Variants in CYP27A1 observed in about 807,000 individuals in gnomAD.
The protein encoded by CYP27A1 is sterol 26-hydroxylase, mitochondrial.
A neutral mutation model predicts 58.2 loss-of-function variants in CYP27A1; 46 were observed. The observed-to-expected ratio is 0.79, with a 90% CI of 0.62 to 1.01. The LOEUF (loss-of-function observed/expected upper bound fraction) is 1.01. Among genes scored for constraint, CYP27A1 ranks in the 50% least tolerant of loss-of-function variants. The pLI is 0.00. For missense variants in CYP27A1, 704 were observed against 687.0 expected, an observed-to-expected ratio of 1.02 and a Z score of -0.28; for synonymous variants, 274 against 285.1, an observed-to-expected ratio of 0.96 and a Z score of 0.39.
At chr2:218,812,802 C>A (rs371379653) in intron 4 of CYP27A1, 53 bp downstream of exon 4, 6 of 1,607,574 alleles carry the variant, frequency 3.7e-6, no homozygotes, top group East Asian at 4.5e-5. Context: ...GACTCCAGGT[C>A]TGTGCATCAG....
At chr2:218,803,560 A>G (rs1943620758) in intron 1 of CYP27A1, among the ~76,000 whole-genome samples, 2 of 151,894 alleles carry the variant, frequency 1.3e-5, no homozygotes, top group South Asian at 4.2e-4. Context: ...GGTAGCTGGG[A>G]CTACAGGCAC....
rs759816877 is a variant in CYP27A1 at position 218,809,704 on chromosome 2, A to G, written c.383A>G (p.Asn128Ser). ...MRQEGKYPVR[N>S]DMELWKEHRD... ...CAAGAGGGCAAGTACCCAGTACGGA[A>G]CGACATGGAGCTATGGAAGGAGCAC... Residue 128 changes from asparagine to serine, a missense_variant, in exon 2 of 9, where the codon AAC becomes AGC. Coordinates refer to ENST00000258415, the MANE Select transcript of CYP27A1 (RefSeq NM_000784.4). 1 of 1,614,048 alleles carries G rather than the reference A, an allele frequency of 6.2e-7. No individual in the cohort carries two copies. Among genetic ancestry groups the G allele is most frequent in the Non-Finnish European group, 8.5e-7 (1 of 1,180,024 alleles).
At chr2:218,791,593 G>C (rs1305735646) in intron 1 of CYP27A1, among the ~76,000 whole-genome samples, 1 of 152,154 alleles carries the variant, frequency 6.6e-6, no homozygotes, top group African/African-American at 2.4e-5. Context: ...AAACTTCCCT[G>C]GTTAGCTTTA....
chr2:218,810,427 C>T (rs1943700688), intron 2 of CYP27A1, among the ~76,000 whole-genome samples: 2 of 152,148 alleles, frequency 1.3e-5, no homozygotes, highest in Admixed American at 1.3e-4. Flanking sequence ...CCTTTGTAAT[C>T]TATTTACATT....
intron 1 of CYP27A1, among the ~76,000 whole-genome samples, chr2:218,785,040 A>C (rs1179660266): frequency 6.6e-6 from 1 of 152,238 alleles, no homozygotes; most frequent in South Asian, 2.1e-4. Flanking sequence ...ATTGTAATAT[A>C]TAATGAAATA....
chr2:218,812,574 GAA>G lies in CYP27A1; in HGVS notation c.671_672del (p.Lys224ThrfsTer63), dbSNP rs766291834. 6.2e-7 allele frequency: 1 copy of G among 1,614,210 alleles called. No homozygotes were observed. Among genetic ancestry groups the G allele is most frequent in the Non-Finnish European group, 8.5e-7 (1 of 1,180,046 alleles). ...CAGCTATTTGCTACATCCTGTTCGA[GAA>G]ACGCATTGGCTGCCTGCAGCGATCC... ...LEAICYILFE[K>X]RIGCLQRSIP... On this transcript the variant is annotated frameshift_variant, in exon 4 of 9. Transcript: ENST00000258415. LOFTEE classifies it high-confidence loss of function.
chr2:218,784,660 C>A (rs573846428), intron 1 of CYP27A1, among the ~76,000 whole-genome samples: 1 of 152,286 alleles, frequency 6.6e-6, no homozygotes, highest in Admixed American at 6.5e-5. Context: ...AATGTTATAA[C>A]CCTATGAAAC....
intron 1 of CYP27A1, among the ~76,000 whole-genome samples, chr2:218,784,271 G>A (rs1943422221): frequency 6.6e-6 from 1 of 152,156 alleles, no homozygotes; most frequent in African/African-American, 2.4e-5. Flanking sequence ...CAAAACCTAA[G>A]CTGTTGGAAC....
chr2:218,805,009 A>G (rs148945442), intron 1 of CYP27A1, among the ~76,000 whole-genome samples: 60 of 152,252 alleles, frequency 3.9e-4, no homozygotes, highest in African/African-American at 1.3e-3. Context: ...TTATGAAGAC[A>G]CTAATTCTAT....
intron 1 of CYP27A1, among the ~76,000 whole-genome samples, chr2:218,787,007 T>C (rs913936823): frequency 3.9e-5 from 6 of 152,146 alleles, no homozygotes; most frequent in Admixed American, 3.9e-4. Context: ...CCCAGGCTGG[T>C]CTTGAACTCC....
chr2:218,787,404 A>G (rs1049796262), intron 1 of CYP27A1, among the ~76,000 whole-genome samples: 8 of 152,238 alleles, frequency 5.3e-5, no homozygotes, highest in African/African-American at 1.9e-4. Flanking sequence ...GGTTTCAGAA[A>G]CTAAATGTTG....
At chr2:218,794,594 A>G (rs1575199966) in intron 1 of CYP27A1, among the ~76,000 whole-genome samples, 1 of 151,814 alleles carries the variant, frequency 6.6e-6, no homozygotes, top group East Asian at 1.9e-4. Context: ...AAAAAACTTT[A>G]CCCTTTTGCC....
rs543550445 is a variant in CYP27A1, at chr2:218,789,167, A to G, written c.255+6730A>G. 5.2e-5 allele frequency among the ~76,000 whole-genome samples: 8 copies of G among 152,382 alleles called. No homozygotes were observed. In the East Asian group the frequency reaches 1.5e-3, roughly 29 times the overall value. ...GGCAGCCTTATTTGTAGTCAGGAAA[A>G]TTAGAATGATTTAAATGTCCCATAG... On this transcript the variant is annotated intron_variant, in intron 1 of 8. Coordinates refer to ENST00000258415, the MANE Select transcript of CYP27A1 (RefSeq NM_000784.4).
In CYP27A1 at chr2:218,812,401, T is replaced by C; in HGVS notation, c.626T>C (p.Phe209Ser). The change falls in exon 3 of 9, where the codon TTC (phenylalanine) becomes TCC (serine). Residue 209 changes from phenylalanine (F) to serine (S), a missense_variant. Phe to Ser is a radical substitution (Grantham distance 155). Coordinates refer to ENST00000258415, the MANE Select transcript of CYP27A1 (RefSeq NM_000784.4). Reference protein sequence around the residue: ...GNQVSDMAQLFYYFALEAICY... With the variant: ...GNQVSDMAQLSYYFALEAICY... ...CAGGTGTCGGACATGGCTCAACTCT[T>C]CTACTACTTTGCCTTGGAAGGTACC... 1 of 1,614,192 alleles carries C rather than the reference T, an allele frequency of 6.2e-7. No homozygotes were observed. Among genetic ancestry groups the C allele is most frequent in the Non-Finnish European group, 8.5e-7 (1 of 1,180,036 alleles).
chr2:218,782,517 A>G lies in CYP27A1; in HGVS notation c.255+80A>G. The G allele has an allele frequency of 6.3e-7, 1 of 1,577,158 alleles. No homozygotes were observed. Among genetic ancestry groups the G allele is most frequent in the Non-Finnish European group, 8.7e-7 (1 of 1,150,770 alleles). ...GGCTAGAGGTGAGAAGACGTTGGAC[A>G]GAAAGTGAAGGCTGCAGGAACTCAG... is the stretch of plus-strand genomic sequence containing the variant. On this transcript the variant is annotated intron_variant, in intron 1 of 8. Coordinates refer to ENST00000258415, the MANE Select transcript of CYP27A1 (RefSeq NM_000784.4). The surrounding 1 kb of genome is among the most constrained non-coding windows in gnomAD (Gnocchi z 4.1).
intron 5 of CYP27A1, 64 bp from the exon 6 acceptor site, chr2:218,813,957 C>A (rs1943752423): frequency 1.3e-6 from 2 of 1,586,312 alleles, no homozygotes; most frequent in East Asian, 2.2e-5. Context: ...CACTCATACA[C>A]CCTCCCATTA....
chr2:218,812,383 C>T lies in CYP27A1; in HGVS notation c.608C>T (p.Ser203Leu), dbSNP rs186812403. ...GAGAGTGCTTCGGGGAACCAGGTGT[C>T]GGACATGGCTCAACTCTTCTACTAC... ...RAESASGNQVSDMAQLFYYFA... is the reference protein window; with the variant it reads ...RAESASGNQVLDMAQLFYYFA... Residue 203 changes from serine (S) to leucine (L), a missense_variant, in exon 3 of 9, where the codon TCG (serine) becomes TTG (leucine). Physicochemically the swap from Ser to Leu is moderately radical, Grantham distance 145. Transcript: ENST00000258415. 35 of 1,614,156 alleles carry T rather than the reference C, an allele frequency of 2.2e-5. No individual in the cohort carries two copies. The East Asian group carries it at 4.0e-4, about 18-fold the overall frequency.
intron 1 of CYP27A1, among the ~76,000 whole-genome samples, chr2:218,801,372 G>A (rs1292063776): frequency 1.3e-5 from 2 of 151,970 alleles, no homozygotes; most frequent in Non-Finnish European, 2.9e-5. Flanking sequence ...CAGGCATGAT[G>A]GTGCACACCT....
Position 218,814,152 on chromosome 2 carries a change from G to T in CYP27A1, c.1149G>T (p.Met383Ile). 1.2e-6 allele frequency: 2 copies of T among 1,614,254 alleles called. No homozygotes were observed. The highest frequency in any genetic ancestry group is 1.7e-6 in the Non-Finnish European group (2 of 1,180,044). The change falls in exon 6 of 9, where the codon ATG becomes ATT. Residue 383 changes from methionine (M) to isoleucine (I), a missense_variant. By Grantham distance (10) the Met-to-Ile change is conservative. Coordinates refer to ENST00000258415, the MANE Select transcript of CYP27A1 (RefSeq NM_000784.4). ...CCCAGCACAAGGACTTTGCCCACAT[G>T]CCGTTGCTCAAAGCTGTGCTTAAGG... ...QVPQHKDFAHMPLLKAVLKET... is the reference protein window; with the variant it reads ...QVPQHKDFAHIPLLKAVLKET...
Sources: gnomAD v4.1 joint callset for allele counts (sites outside exome capture counted in the v4.1 genomes callset) on GRCh38, gnomAD v4.1.1 for gene constraint, Gnocchi (gnomAD v3.1) non-coding constraint, MANE v1.5 for transcripts, NCBI Gene and HGNC (gene_info 2026-07-23, HGNC 2026-07-21) for gene names.